The following EPHA6 variants were observed in gnomAD, a reference collection of about 807,000 sequenced individuals.
EPHA6 encodes the protein ephrin type-A receptor 6.
Under a neutral mutation model 112.0 loss-of-function variants are expected in EPHA6, and 50 were observed. The observed-to-expected ratio is 0.45, with a 90% CI of 0.36 to 0.56. The LOEUF is 0.56. EPHA6 is among the 20% of genes least tolerant of loss of function. The pLI is 0.00. For missense variants in EPHA6, 1,280 were observed against 1,417.4 expected, an observed-to-expected ratio of 0.90 and a Z score of 1.56; for synonymous variants, 529 against 490.7, an observed-to-expected ratio of 1.08 and a Z score of -1.03.
intron 14 of EPHA6, among the ~76,000 whole-genome samples, chr3:97,678,312 G>C (rs2031574755): frequency 6.6e-6 from 1 of 152,124 alleles, no homozygotes; most frequent in African/African-American, 2.4e-5. Context: ...TTCATTTTTG[G>C]TTAACAGTAA....
chr3:97,339,507 T>C (rs1298728268), intron 5 of EPHA6, among the ~76,000 whole-genome samples: 3 of 152,208 alleles, frequency 2.0e-5, no homozygotes. Context: ...TGAAGTATTT[T>C]AACAACGTGG....
At chr3:97,600,644 T>C (rs1398170055) in intron 12 of EPHA6, among the ~76,000 whole-genome samples, 1 of 152,058 alleles carries the variant, frequency 6.6e-6, no homozygotes, top group Non-Finnish European at 1.5e-5. Flanking sequence ...GGACATGTGA[T>C]CATGTATGTA....
intron 6 of EPHA6, chr3:97,439,774 C>A: frequency 3.9e-6 from 1 of 254,714 alleles, no homozygotes; most frequent in Non-Finnish European, 6.2e-6. Context: ...GTTTCTGGGA[C>A]AGTTGGCCAG....
intron 3 of EPHA6, among the ~76,000 whole-genome samples, chr3:97,043,364 C>T (rs2045388158): frequency 6.6e-6 from 1 of 152,078 alleles, no homozygotes; most frequent in African/African-American, 2.4e-5. Context: ...TTTATAAGGC[C>T]ACATGTCCCA....
chr3:97,042,315 C>T (rs1457459847), intron 3 of EPHA6, among the ~76,000 whole-genome samples: 2 of 152,216 alleles, frequency 1.3e-5, no homozygotes, highest in East Asian at 3.9e-4. Context: ...TACGTGCCTG[C>T]TTCCCCTGCA....
intron 14 of EPHA6, among the ~76,000 whole-genome samples, chr3:97,641,931 G>A (rs1203834551): frequency 6.6e-6 from 1 of 150,912 alleles, no homozygotes; most frequent in African/African-American, 2.4e-5. Context: ...ACTGGGTGGA[G>A]CCCACCACAG....
At chr3:97,058,202 AAT>A (rs2045910264) in intron 3 of EPHA6, among the ~76,000 whole-genome samples, 2 of 152,124 alleles carry the variant, frequency 1.3e-5, no homozygotes, top group South Asian at 4.1e-4. Context: ...TTTATATATA[AAT>A]ATGTGAAAAA....
intron 14 of EPHA6, among the ~76,000 whole-genome samples, chr3:97,673,044 G>A (rs974858010): frequency 2.0e-5 from 3 of 152,082 alleles, no homozygotes; most frequent in African/African-American, 7.2e-5. Context: ...CTGTATATCT[G>A]GCCCTAAAAT....
intron 5 of EPHA6, among the ~76,000 whole-genome samples, chr3:97,303,693 CAATTTATTG>C (rs1267972277): frequency 2.0e-5 from 3 of 151,872 alleles, no homozygotes; most frequent in African/African-American, 7.3e-5. Flanking sequence ...GGTGACCTTT[CAATTTATTG>C]AGTGAAAGAT....
In EPHA6 at chr3:97,624,891, T is replaced by G. The variant is rs2093843014; in HGVS notation, c.2575-12982T>G. Among the ~76,000 whole-genome samples the G allele has an allele frequency of 2.0e-5, 3 of 151,724 alleles. 1 individual carries two copies. The South Asian group carries it at 6.2e-4, about 31-fold the overall frequency. ...CTTTTTATTTCTGTAGAATTGGTAG[T>G]AATATTACACCTTCATTCTGGTTTT... On this transcript the variant is annotated intron_variant, in intron 13 of 17. Transcript: ENST00000389672.
At chr3:97,071,967 G>C (rs1024921769) in intron 3 of EPHA6, among the ~76,000 whole-genome samples, 1 of 151,886 alleles carries the variant, frequency 6.6e-6, no homozygotes, top group Non-Finnish European at 1.5e-5. Flanking sequence ...AGAATATATG[G>C]TGTTTGGTTT....
chr3:97,177,999 T>A (rs2108443947), intron 3 of EPHA6, among the ~76,000 whole-genome samples: 1 of 152,040 alleles, frequency 6.6e-6, no homozygotes, highest in South Asian at 2.1e-4. Flanking sequence ...TGTGACTTGG[T>A]TTTCTGATTG....
intron 11 of EPHA6, among the ~76,000 whole-genome samples, chr3:97,537,722 G>A (rs908377016): frequency 1.3e-5 from 2 of 152,058 alleles, no homozygotes; most frequent in African/African-American, 4.8e-5. Flanking sequence ...GGGATCACAG[G>A]TGTACGCCAC....
At chr3:97,023,153 A>C (rs903636928) in intron 3 of EPHA6, among the ~76,000 whole-genome samples, 1 of 152,136 alleles carries the variant, frequency 6.6e-6, no homozygotes, top group African/African-American at 2.4e-5. Context: ...ATCTTGGCTC[A>C]CTGAAAGCTC....
intron 5 of EPHA6, among the ~76,000 whole-genome samples, chr3:97,355,703 C>T (rs999348213): frequency 6.6e-6 from 1 of 152,016 alleles, no homozygotes; most frequent in Non-Finnish European, 1.5e-5. Flanking sequence ...TGAAAGTTAA[C>T]GGATTAATCT....
intron 13 of EPHA6, among the ~76,000 whole-genome samples, chr3:97,619,436 G>GC (rs962085891): frequency 1.7e-5 from 2 of 117,412 alleles, no homozygotes; most frequent in Non-Finnish European, 3.1e-5. Context: ...TAGAAAAAGG[G>GC]GGGGGGGGGC....
intron 14 of EPHA6, among the ~76,000 whole-genome samples, chr3:97,688,741 G>T (rs1294765562): frequency 4.0e-5 from 6 of 150,192 alleles, no homozygotes; most frequent in Admixed American, 3.3e-4. Context: ...AAAAGAACTA[G>T]AAAAAAAAGT....
chr3:97,336,761 A>G (rs962141755), intron 5 of EPHA6, among the ~76,000 whole-genome samples: 3 of 152,104 alleles, frequency 2.0e-5, no homozygotes, highest in African/African-American at 7.2e-5. Context: ...AATGTCTCAG[A>G]GATCTCTTAC....
intron 6 of EPHA6, among the ~76,000 whole-genome samples, chr3:97,427,366 A>G (rs1447758645): frequency 6.6e-6 from 1 of 152,216 alleles, no homozygotes; most frequent in Admixed American, 6.5e-5. Flanking sequence ...GCCATAAAAA[A>G]GAATGAGATC....
Sources: allele counts gnomAD v4.1 joint callset (sites outside exome capture counted in the v4.1 genomes callset), GRCh38; gene constraint gnomAD v4.1.1; transcripts MANE v1.5; gene names NCBI Gene and HGNC (gene_info 2026-07-23, HGNC 2026-07-21).